The following HCN4 variants were observed in gnomAD, a reference collection of about 807,000 sequenced individuals.
HCN4 encodes the protein hyperpolarization activated cyclic nucleotide gated potassium channel 4, also known as potassium/sodium hyperpolarization-activated cyclic nucleotide-gated channel 4.
A neutral mutation model predicts 76.9 loss-of-function variants in HCN4; 29 were observed. The ratio of observed to expected loss-of-function variants is 0.38; its 90% CI spans 0.28 to 0.51. HCN4 has a LOEUF of 0.51. Ranked by LOEUF, HCN4 falls within the 20% of genes least tolerant of loss-of-function variation. The probability of loss-of-function intolerance (pLI) is 0.90; values close to 1 mark genes in which losing one functional copy is unlikely to be tolerated. For synonymous variants in HCN4, 772 were observed against 762.5 expected (o/e 1.01, Z -0.21); for missense variants, 1,416 against 1,715.2 (o/e 0.83, Z 3.08).
Position 73,329,270 on chromosome 15 carries a change from C to T in HCN4, c.1590+303G>A, listed in dbSNP as rs138855380. 4.8e-3 allele frequency among the ~76,000 whole-genome samples: 737 copies of T among 152,284 alleles called. 6 individuals carry two copies. The highest frequency in any genetic ancestry group is 0.017 in the African/African-American group (689 of 41,550). The stretch of plus-strand genomic sequence containing the variant: ...CAGCCAGGAAGGGCGTGGTGACTGT[C>T]AAATGCCTACTGGAGCAGCACGGAG... On this transcript the variant is annotated intron_variant, in intron 4 of 7. Transcript: ENST00000261917.
intron 1 of HCN4, among the ~76,000 whole-genome samples, chr15:73,359,329 C>T (rs960855119): frequency 1.3e-5 from 2 of 152,142 alleles, no homozygotes; most frequent in African/African-American, 4.8e-5. Context: ...CAGCCCCAAA[C>T]GATGAAGAGA....
rs2043134810 is a variant in HCN4 at position 73,367,670 on chromosome 15, G to A, written c.601C>T (p.Leu201Phe). 2 of 1,605,856 alleles carry A rather than the reference G, an allele frequency of 1.2e-6. No individual in the cohort carries two copies. Among genetic ancestry groups the A allele is most frequent in the South Asian group, 1.1e-5 (1 of 91,054 alleles). ...CCCAGGCGCACCTCGGCCTCCGGGAGGATCTGGTCGCCGGCAGCCGCGCCT... is the reference window on the plus strand; with the variant it reads ...CCCAGGCGCACCTCGGCCTCCGGGAAGATCTGGTCGCCGGCAGCCGCGCCT... ...EGGAAAGDQI[L>F]PEAEVRLGQA... Residue 201 changes from leucine to phenylalanine, a missense_variant, in exon 1 of 8, where the codon CTC becomes TTC. By Grantham distance (22) the Leu-to-Phe change is conservative. This residue lies in a region of HCN4 where 355 missense variants were observed against 347.8 expected (regional missense o/e 1.02). Coordinates refer to ENST00000261917, the MANE Select transcript of HCN4 (RefSeq NM_005477.3). The surrounding 1 kb of genome is among the most constrained non-coding windows in gnomAD (Gnocchi z 7.5).
At chr15:73,365,880 G>A (rs2043126086) in intron 1 of HCN4, among the ~76,000 whole-genome samples, 1 of 152,182 alleles carries the variant, frequency 6.6e-6, no homozygotes, top group African/African-American at 2.4e-5. Flanking sequence ...CACCACTGAA[G>A]AGTTGAGAGA....
Position 73,322,621 on chromosome 15 carries a change from A to G in HCN4, c.3472T>C (p.Ser1158Pro). ...GACAGAGGGGGTGGCAAAGAACCTG[A>G]GGATGTCTTCCGAGGCAGAGTGACG... ...QHVTLPRKTS[S>P]GSLPPPLSLF... Residue 1158 changes from serine (S) to proline (P), a missense_variant, in exon 8 of 8, where the codon TCA becomes CCA. Physicochemically the swap from Ser to Pro is moderately conservative, Grantham distance 74. Transcript: ENST00000261917. 1 of 1,611,956 alleles carries G rather than the reference A, an allele frequency of 6.2e-7. No homozygotes were observed. The highest frequency in any genetic ancestry group is 8.5e-7 in the Non-Finnish European group (1 of 1,179,428).
intron 2 of HCN4, among the ~76,000 whole-genome samples, chr15:73,338,041 G>C (rs1417626155): frequency 1.3e-5 from 2 of 151,584 alleles, no homozygotes; most frequent in African/African-American, 2.4e-5. Flanking sequence ...CCTGGGAAGA[G>C]CTGGTGGGGG....
intron 6 of HCN4, 36 bp from the exon 7 acceptor site, chr15:73,324,289 C>A (rs2042885745): frequency 6.2e-7 from 1 of 1,608,578 alleles, no homozygotes. Context: ...GAGGCATGCA[C>A]AGCCTGCCCA....
At chr15:73,324,342 G>A (rs2042886032) in intron 6 of HCN4, 89 bp from the exon 7 acceptor site, 1 of 1,435,298 alleles carries the variant, frequency 7.0e-7, no homozygotes, top group Admixed American at 1.9e-5. Flanking sequence ...CTGACTGCCT[G>A]GCACAGAAGC....
At chr15:73,352,452 G>A (rs1010695824) in intron 1 of HCN4, among the ~76,000 whole-genome samples, 5 of 152,206 alleles carry the variant, frequency 3.3e-5, no homozygotes, top group African/African-American at 4.8e-5. Context: ...GATCATGGTG[G>A]AAAAGTGACA....
chr15:73,358,461 A>G (rs2151225541), intron 1 of HCN4, among the ~76,000 whole-genome samples: 1 of 152,284 alleles, frequency 6.6e-6, no homozygotes, highest in African/African-American at 2.4e-5. Context: ...CAGGGTAATT[A>G]CTTCTGGGCT....
In HCN4 at chr15:73,331,905, T is replaced by G. The variant is rs2042935337; in HGVS notation, c.1371+226A>C. On this transcript the variant is annotated intron_variant, in intron 3 of 7. Transcript: ENST00000261917. Reference sequence around the variant, plus strand: ...AGGCTCCCAGTTGCAATGGAGGCTGTGAGAAGATGGAGGTACCAGCTCCCA... The same window carrying G: ...AGGCTCCCAGTTGCAATGGAGGCTGGGAGAAGATGGAGGTACCAGCTCCCA... Among the ~76,000 whole-genome samples the G allele has an allele frequency of 2.6e-5, 4 of 152,256 alleles. No individual in the cohort carries two copies. In the South Asian group the frequency reaches 8.3e-4, roughly 32 times the overall value.
In HCN4 at chr15:73,321,645, G is replaced by A. The variant is rs2042858843; in HGVS notation, c.*836C>T. 1 of 152,794 alleles carries A rather than the reference G, an allele frequency of 6.5e-6. No homozygotes were observed. The highest frequency in any genetic ancestry group is 2.4e-5 in the African/African-American group (1 of 41,446). The allele number at this position is 152,794 out of a possible 1,614,324, so 9.5% of individuals were successfully genotyped here. On this transcript the variant is annotated 3_prime_UTR_variant, in exon 8 of 8. Transcript: ENST00000261917. Reference sequence around the variant, plus strand: ...GGGGAGTCTTCCACTTCCGTGTGGTGAGAGGTCAGGCTGGGACTGGCTTTG... The same window carrying A: ...GGGGAGTCTTCCACTTCCGTGTGGTAAGAGGTCAGGCTGGGACTGGCTTTG...
intron 2 of HCN4, among the ~76,000 whole-genome samples, chr15:73,335,079 C>T (rs1018317048): frequency 4.6e-5 from 7 of 152,210 alleles, no homozygotes; most frequent in African/African-American, 9.6e-5. Flanking sequence ...CAGAAGCCCC[C>T]GTGCTGGCAC....
At position 73,367,375 on chromosome 15, in the gene HCN4, G is replaced by C; in HGVS notation, c.785+111C>G. On this transcript the variant is annotated intron_variant, in intron 1 of 7. Coordinates refer to ENST00000261917, the MANE Select transcript of HCN4 (RefSeq NM_005477.3). This position sits in a 1 kb window ranked among gnomAD's most constrained non-coding sequence, Gnocchi z 7.5. ...GCCTAGAGGCGCCCTGCCTCTCTTG[G>C]AGCTCCCAGCGCAAGGCAGGAAAGT... 6.5e-7 allele frequency: 1 copy of C among 1,526,906 alleles called. No individual in the cohort carries two copies. Among genetic ancestry groups the C allele is most frequent in the Non-Finnish European group, 8.8e-7 (1 of 1,131,048 alleles). 94.6% of individuals were successfully genotyped at this position (1,526,906 alleles called of 1,614,324 possible).
chr15:73,365,311 ACCCCACCCAG>A (rs2043123578), intron 1 of HCN4, among the ~76,000 whole-genome samples: 1 of 151,802 alleles, frequency 6.6e-6, no homozygotes, highest in South Asian at 2.1e-4. Flanking sequence ...CTTTCCTTAC[ACCCCACCCAG>A]CTCCAGACAG....
intron 4 of HCN4, among the ~76,000 whole-genome samples, chr15:73,327,846 A>G (rs1186660152): frequency 6.6e-6 from 1 of 151,998 alleles, no homozygotes; most frequent in Non-Finnish European, 1.5e-5. Flanking sequence ...CCAGCTCTGT[A>G]GGCTCTCCTG....
At chr15:73,366,489 C>T (rs929333202) in intron 1 of HCN4, among the ~76,000 whole-genome samples, 1 of 152,184 alleles carries the variant, frequency 6.6e-6, no homozygotes, top group African/African-American at 2.4e-5. Flanking sequence ...TCATGCATCA[C>T]GAAAGCCCAG....
chr15:73,329,841 C>T (rs2042922514), intron 3 of HCN4, 50 bp from the exon 4 acceptor site: 1 of 1,501,656 alleles, frequency 6.7e-7, no homozygotes, highest in East Asian at 2.3e-5. Flanking sequence ...GAAGGCCCTT[C>T]TCACTAGCAA....
intron 1 of HCN4, among the ~76,000 whole-genome samples, chr15:73,349,226 C>CA (rs1270331917): frequency 2.0e-5 from 3 of 152,136 alleles, no homozygotes; most frequent in Non-Finnish European, 4.4e-5. Flanking sequence ...CCAGACCCAG[C>CA]AAAGATCCTG....
At chr15:73,352,356 C>A (rs1449312108) in intron 1 of HCN4, among the ~76,000 whole-genome samples, 1 of 152,204 alleles carries the variant, frequency 6.6e-6, no homozygotes, top group Non-Finnish European at 1.5e-5. Flanking sequence ...CCACAAGCCT[C>A]CGACAATCAG....
Sources: gnomAD v4.1 joint callset for allele counts (sites outside exome capture counted in the v4.1 genomes callset) on GRCh38, gnomAD v4.1.1 for gene constraint, gnomAD v4.1.1 regional missense constraint, Gnocchi (gnomAD v3.1) non-coding constraint, MANE v1.5 for transcripts, NCBI Gene and HGNC (gene_info 2026-07-23, HGNC 2026-07-21) for gene names.